The following CCDC85A variants were observed in gnomAD, a reference collection of about 807,000 sequenced individuals.
CCDC85A encodes the protein coiled-coil domain containing 85A, also known as coiled-coil domain-containing protein 85A.
In CCDC85A, 38 loss-of-function variants were observed where a neutral mutation model predicts 50.2. That is an observed-to-expected ratio of 0.76 (90% confidence interval 0.58 to 0.99). CCDC85A has a LOEUF of 0.99. CCDC85A is among the 50% of genes least tolerant of loss of function. The pLI, the probability that CCDC85A is intolerant of heterozygous loss-of-function variation, is 0.00. For synonymous variants in CCDC85A, 366 were observed against 301.4 expected (o/e 1.21, Z -2.22); for missense variants, 820 against 742.0 (o/e 1.11, Z -1.22).
At chr2:56,317,099 T>C (rs931528483) in intron 2 of CCDC85A, among the ~76,000 whole-genome samples, 5 of 152,100 alleles carry the variant, frequency 3.3e-5, no homozygotes, top group African/African-American at 9.7e-5. Flanking sequence ...AAATGGAAGA[T>C]GGCAAAGTGG....
intron 2 of CCDC85A, among the ~76,000 whole-genome samples, chr2:56,307,054 T>C (rs1170869480): frequency 3.9e-5 from 6 of 152,190 alleles, no homozygotes; most frequent in African/African-American, 1.4e-4. Flanking sequence ...TTAAGCATTT[T>C]ATAAAAATTC....
At chr2:56,206,851 T>C (rs2103866537) in intron 2 of CCDC85A, among the ~76,000 whole-genome samples, 1 of 152,318 alleles carries the variant, frequency 6.6e-6, no homozygotes, top group African/African-American at 2.4e-5. Context: ...CTTATTTTAT[T>C]TTTCTTGTAA....
chr2:56,294,336 G>A (rs1398217462), intron 2 of CCDC85A, among the ~76,000 whole-genome samples: 2 of 152,168 alleles, frequency 1.3e-5, no homozygotes, highest in Admixed American at 1.3e-4. Flanking sequence ...ATTACACGCT[G>A]GGCTTAATAC....
chr2:56,210,015 G>A (rs1677119775), intron 2 of CCDC85A, among the ~76,000 whole-genome samples: 1 of 152,024 alleles, frequency 6.6e-6, no homozygotes, highest in Non-Finnish European at 1.5e-5. Context: ...AATGTTTTTG[G>A]AGATATCTCA....
chr2:56,357,472 C>T (rs930152879), intron 3 of CCDC85A, among the ~76,000 whole-genome samples: 3 of 152,060 alleles, frequency 2.0e-5, no homozygotes, highest in Non-Finnish European at 4.4e-5. Context: ...GTGTTTTTAT[C>T]ACTTTGATTT....
At chr2:56,295,273 C>T (rs1043669254) in intron 2 of CCDC85A, among the ~76,000 whole-genome samples, 13 of 152,042 alleles carry the variant, frequency 8.6e-5, no homozygotes, top group African/African-American at 3.1e-4. Context: ...ACTTTTTGCT[C>T]ACAGTTTTTA....
At chr2:56,201,076 CCACACACACACACACACACA>C (rs72152096) in intron 2 of CCDC85A, among the ~76,000 whole-genome samples, 1 of 147,300 alleles carries the variant, frequency 6.8e-6, no homozygotes, top group Non-Finnish European at 1.5e-5. Context: ...TCATCTCTCT[CCACACACACACACACACACA>C]CACACACACA....
In CCDC85A at chr2:56,278,211, A is replaced by T. The variant is rs10211076; in HGVS notation, c.1241-64668A>T. Among the ~76,000 whole-genome samples the T allele has an allele frequency of 7.7e-3, 1,156 of 150,404 alleles. 11 individuals are homozygous for T. The highest frequency in any genetic ancestry group is 0.027 in the African/African-American group (1,111 of 40,992). ...CTATATTGGTTTGAGTAGTGTCTTC[A>T]CTCTCCTCCCCTTTTTAATGAATAA... On this transcript the variant is annotated intron_variant, in intron 2 of 5. Transcript: ENST00000407595.
chr2:56,337,032 C>T (rs370962378), intron 2 of CCDC85A, among the ~76,000 whole-genome samples: 83 of 152,336 alleles, frequency 5.4e-4, no homozygotes, highest in African/African-American at 1.8e-3. Flanking sequence ...CCAAGTTCAT[C>T]GCACTCTGAG....
At chr2:56,381,956 G>GC (rs1179345134) in intron 5 of CCDC85A, among the ~76,000 whole-genome samples, 3 of 151,832 alleles carry the variant, frequency 2.0e-5, no homozygotes, top group African/African-American at 7.3e-5. Context: ...CCAAAAGCTT[G>GC]CCCCCCTTGT....
chr2:56,335,592 G>A (rs1315336693), intron 2 of CCDC85A, among the ~76,000 whole-genome samples: 3 of 145,896 alleles, frequency 2.1e-5, no homozygotes, highest in African/African-American at 8.0e-5. Flanking sequence ...AGCAAGAGGG[G>A]GCCAAACTCA....
intron 2 of CCDC85A, among the ~76,000 whole-genome samples, chr2:56,257,365 A>T (rs1398837345): frequency 6.6e-6 from 1 of 152,198 alleles, no homozygotes; most frequent in Non-Finnish European, 1.5e-5. Flanking sequence ...AACTTTCATG[A>T]ACAAGATAGT....
chr2:56,375,391 GAC>G (rs2104397152), intron 4 of CCDC85A, among the ~76,000 whole-genome samples: 1 of 152,290 alleles, frequency 6.6e-6, no homozygotes, highest in African/African-American at 2.4e-5. Flanking sequence ...TTTTATAAGA[GAC>G]ACAGTTTCTC....
rs1349565612 is a variant in CCDC85A at position 56,199,792 on chromosome 2, A to G, written c.1240+6352A>G. ...ATAAATAACCATGAGGTGTCCTTCT[A>G]AGAGTAAACTGCATGAGCTTCAGTG... On this transcript the variant is annotated intron_variant, in intron 2 of 5. Transcript: ENST00000407595. Among the ~76,000 whole-genome samples the G allele has an allele frequency of 5.3e-5, 8 of 152,348 alleles. No homozygotes were observed. The East Asian group carries it at 1.5e-3, about 29-fold the overall frequency.
chr2:56,328,375 G>A (rs1003143493), intron 2 of CCDC85A, among the ~76,000 whole-genome samples: 1 of 152,096 alleles, frequency 6.6e-6, no homozygotes, highest in African/African-American at 2.4e-5. Context: ...TCAAGGCTGG[G>A]GACAAGGGGA....
chr2:56,267,089 A>G (rs1315049441), intron 2 of CCDC85A, among the ~76,000 whole-genome samples: 10 of 152,130 alleles, frequency 6.6e-5, no homozygotes, highest in Admixed American at 3.3e-4. Context: ...ATTATGGACA[A>G]TGAAATATGT....
In CCDC85A at chr2:56,192,461, G is replaced by C; in HGVS notation, c.277-16G>C. 1 of 1,594,010 alleles carries C rather than the reference G, an allele frequency of 6.3e-7. No homozygotes were observed. The highest frequency in any genetic ancestry group is 8.5e-7 in the Non-Finnish European group (1 of 1,170,266). ...AGATGTGTACTTCCCTTGAATGGTT[G>C]TGTCTCTCTTTTCAGGATATCAACC... On this transcript the variant is annotated splice_polypyrimidine_tract_variant and intron_variant, in intron 1 of 5. Transcript: ENST00000407595. The surrounding 1 kb of genome is among the most constrained non-coding windows in gnomAD (Gnocchi z 4.7).
At chr2:56,221,224 A>G (rs1037319344) in intron 2 of CCDC85A, among the ~76,000 whole-genome samples, 1 of 152,080 alleles carries the variant, frequency 6.6e-6, no homozygotes, top group Non-Finnish European at 1.5e-5. Flanking sequence ...TTCTCTTGGA[A>G]TTTAAAATCA....
intron 2 of CCDC85A, among the ~76,000 whole-genome samples, chr2:56,278,118 G>A (rs1186852012): frequency 1.3e-5 from 2 of 152,148 alleles, no homozygotes; most frequent in African/African-American, 4.8e-5. Context: ...GTGGCTGTCG[G>A]TATAGAAGTG....
Sources: allele counts gnomAD v4.1 joint callset (sites outside exome capture counted in the v4.1 genomes callset), GRCh38; gene constraint gnomAD v4.1.1; non-coding constraint Gnocchi (gnomAD v3.1); transcripts MANE v1.5; gene names NCBI Gene and HGNC (gene_info 2026-07-23, HGNC 2026-07-21).